CFAP43: variants seen among roughly 807,000 people sequenced by gnomAD.
CFAP43 encodes the protein cilia and flagella associated protein 43, also known as cilia- and flagella-associated protein 43.
Under a neutral mutation model 218.9 loss-of-function variants are expected in CFAP43, and 155 were observed. That is an observed-to-expected ratio of 0.71 (90% CI 0.62 to 0.81). The LOEUF is 0.81. CFAP43 is among the 30% of genes least tolerant of loss of function. CFAP43 has a pLI of 0.00. For missense variants in CFAP43, 1,778 were observed against 1,954.3 expected, an observed-to-expected ratio of 0.91 and a Z score of 1.70; for synonymous variants, 645 against 681.3, an observed-to-expected ratio of 0.95 and a Z score of 0.83.
chr10:104,209,653 T>C (rs1489675712), intron 5 of CFAP43, among the ~76,000 whole-genome samples: 3 of 152,222 alleles, frequency 2.0e-5, no homozygotes, highest in Admixed American at 2.0e-4. Flanking sequence ...TAAGGGCTCC[T>C]ACACATATTT....
rs1430568620 is a variant in CFAP43, at chr10:104,191,418, T to G, written c.1546+781A>C. ...ACTAATATGTCCTATCCCACACCTA[T>G]GAAAATCCTTCAAACCCACTACTTT... On this transcript the variant is annotated intron_variant, in intron 12 of 37. Transcript: ENST00000357060. Among the ~76,000 whole-genome samples the G allele has an allele frequency of 2.0e-5, 3 of 152,172 alleles. No individual in the cohort carries two copies. The South Asian group carries it at 6.2e-4, about 32-fold the overall frequency.
At chr10:104,218,120 G>A (rs548445626) in intron 3 of CFAP43, among the ~76,000 whole-genome samples, 3 of 152,148 alleles carry the variant, frequency 2.0e-5, no homozygotes, top group South Asian at 2.1e-4. Flanking sequence ...AGGCTGAGGC[G>A]GGCGGCTCAT....
rs886326551 is a variant in CFAP43 at position 104,196,719 on chromosome 10, T to G, written c.1293+134A>C. On this transcript the variant is annotated intron_variant, in intron 10 of 37. Transcript: ENST00000357060. The stretch of plus-strand genomic sequence containing the variant: ...TATACTTTACACACAAGGATTACTG[T>G]AAATCTAGAAGGCAAAAATGCAGTG... 8 of 669,620 alleles carry G rather than the reference T, an allele frequency of 1.2e-5. No individual in the cohort carries two copies. In the African/African-American group the frequency reaches 1.5e-4, roughly 12 times the overall value. The allele number at this position is 669,620 out of a possible 1,614,324, so 41.5% of individuals were successfully genotyped here. A position where few individuals can be genotyped will look rare whatever the true frequency, so the allele number is the denominator to read the frequency against.
At position 104,225,493 on chromosome 10, in the gene CFAP43, G is replaced by A. The variant is rs1445663585; in HGVS notation, c.384C>T (p.Tyr128=). ...FSYCGTYLAS[Y]SSLPEFELAL... The stretch of plus-strand genomic sequence containing the variant: ...CCAGTTCAAATTCTGGGAGAGAGGA[G>A]TAACTAGCCAGGTAGGTGCCACAGT... Residue 128 remains tyrosine (Y), a synonymous_variant, in exon 3 of 38, where the codon TAC becomes TAT. Transcript: ENST00000357060. 7 of 1,612,698 alleles carry A rather than the reference G, an allele frequency of 4.3e-6. No homozygotes were observed. The highest frequency in any genetic ancestry group is 2.7e-5 in the African/African-American group (2 of 74,842).
At chr10:104,147,813 A>T in intron 29 of CFAP43, 78 bp downstream of exon 29, 2 of 967,600 alleles carry the variant, frequency 2.1e-6, no homozygotes, top group Non-Finnish European at 3.0e-6. Flanking sequence ...GGAAGGGTCT[A>T]GACACGTGAG....
At position 104,136,258 on chromosome 10, in the gene CFAP43, CAAAAAA is replaced by C. The variant is rs368792618; in HGVS notation, c.4432-2480_4432-2475del. 1.2e-3 allele frequency among the ~76,000 whole-genome samples: 99 copies of C among 86,012 alleles called. No homozygotes were observed. In the South Asian group the frequency reaches 0.013, roughly 12 times the overall value. The allele number at this position is 86,012 out of a possible 152,430, so 56.4% of individuals were successfully genotyped here. ...AGAGCGAGAATCCATTTCTCCATTT[CAAAAAA>C]AAAAAAAAAAAAAAGAAGAAAAGAA... On this transcript the variant is annotated intron_variant, in intron 34 of 37. Transcript: ENST00000357060.
chr10:104,142,629 T>C (rs570071404), intron 32 of CFAP43, among the ~76,000 whole-genome samples: 1 of 152,292 alleles, frequency 6.6e-6, no homozygotes, highest in East Asian at 1.9e-4. Flanking sequence ...ATAAATTCTT[T>C]TATATCTTAT....
intron 19 of CFAP43, 82 bp from the exon 20 acceptor site, chr10:104,172,617 G>T: frequency 8.3e-7 from 1 of 1,209,638 alleles, no homozygotes; most frequent in Non-Finnish European, 1.1e-6. Context: ...CTTTTAGGCA[G>T]CAATCAATAA....
At chr10:104,223,817 C>A (rs1455905611) in intron 3 of CFAP43, among the ~76,000 whole-genome samples, 1 of 152,082 alleles carries the variant, frequency 6.6e-6, no homozygotes, top group Non-Finnish European at 1.5e-5. Context: ...TATATCCATA[C>A]CATGGAATAG....
chr10:104,145,372 T>G (rs2087911582), intron 31 of CFAP43, 104 bp downstream of exon 31: 2 of 662,902 alleles, frequency 3.0e-6, no homozygotes, highest in African/African-American at 1.8e-5. Flanking sequence ...GATATTACAC[T>G]GAATAATTCC....
chr10:104,139,307 A>G (rs1168575361), intron 34 of CFAP43, among the ~76,000 whole-genome samples: 1 of 152,236 alleles, frequency 6.6e-6, no homozygotes, highest in Non-Finnish European at 1.5e-5. Context: ...CAGAAGAAAT[A>G]TTCAGAGATA....
rs199934684 is a variant in CFAP43 at position 104,207,856 on chromosome 10, A to G, written c.736-32T>C. 2.2e-4 allele frequency: 347 copies of G among 1,584,028 alleles called. 3 individuals are homozygous for G. The South Asian group carries it at 3.8e-3, about 17-fold the overall frequency. On this transcript the variant is annotated intron_variant, in intron 5 of 37. Coordinates refer to ENST00000357060, the MANE Select transcript of CFAP43 (RefSeq NM_025145.7). ...GGAGAGAATAAAACCTTGTGTTAAG[A>G]AAACAATCACGGCTAAAAGCCTGAG...
intron 7 of CFAP43, 58 bp downstream of exon 7, chr10:104,205,905 C>T: frequency 6.9e-7 from 1 of 1,444,106 alleles, no homozygotes. Flanking sequence ...TAAATGGCAA[C>T]AAATGGGAAT....
chr10:104,186,584 C>T (rs2090038308), intron 14 of CFAP43, among the ~76,000 whole-genome samples: 1 of 152,130 alleles, frequency 6.6e-6, no homozygotes, highest in Admixed American at 6.5e-5. Context: ...ATGAGCGCTG[C>T]CCACCAAAAT....
intron 3 of CFAP43, among the ~76,000 whole-genome samples, chr10:104,224,889 T>C (rs2091271675): frequency 6.6e-6 from 1 of 152,068 alleles, no homozygotes; most frequent in Non-Finnish European, 1.5e-5. Context: ...TTCCCCTTAA[T>C]AAGAAAAATA....
At chr10:104,158,421 C>T (rs1349575327) in intron 27 of CFAP43, among the ~76,000 whole-genome samples, 1 of 152,160 alleles carries the variant, frequency 6.6e-6, no homozygotes, top group Non-Finnish European at 1.5e-5. Context: ...GAAGACACAG[C>T]ATCATCTACT....
At chr10:104,211,262 T>C (rs1324815614) in intron 5 of CFAP43, among the ~76,000 whole-genome samples, 1 of 152,132 alleles carries the variant, frequency 6.6e-6, no homozygotes, top group Non-Finnish European at 1.5e-5. Context: ...AAAAGAACAA[T>C]ACTCTTTACT....
At chr10:104,205,111 G>A (rs1443648453) in intron 7 of CFAP43, among the ~76,000 whole-genome samples, 1 of 150,932 alleles carries the variant, frequency 6.6e-6, no homozygotes. Flanking sequence ...TACTCGGGAG[G>A]CTGAGGCAGG....
rs2087412167 is a variant in CFAP43, at chr10:104,135,771, A to G, written c.4432-1987T>C. ...ATGTTCTTGGATCAAAAGACTTAAGACAGTACTCCTCAAAGGAATCTATAG... is the reference window on the plus strand; with the variant it reads ...ATGTTCTTGGATCAAAAGACTTAAGGCAGTACTCCTCAAAGGAATCTATAG... On this transcript the variant is annotated intron_variant, in intron 34 of 37. Transcript: ENST00000357060. Among the ~76,000 whole-genome samples the G allele has an allele frequency of 2.0e-5, 3 of 152,152 alleles. 1 individual carries two copies. The South Asian group carries it at 6.2e-4, about 31-fold the overall frequency.
Sources: allele counts gnomAD v4.1 joint callset (sites outside exome capture counted in the v4.1 genomes callset), GRCh38; gene constraint gnomAD v4.1.1; transcripts MANE v1.5; gene names NCBI Gene and HGNC (gene_info 2026-07-23, HGNC 2026-07-21).